Variants in SRPK2 observed in about 807,000 individuals in gnomAD.
The protein encoded by SRPK2 is SFRS protein kinase 2.
A neutral mutation model predicts 90.8 loss-of-function variants in SRPK2; 21 were observed. That is an observed-to-expected ratio of 0.23 (90% CI 0.16 to 0.33). SRPK2 has a LOEUF of 0.33. Ranked by LOEUF, SRPK2 falls within the 10% of genes least tolerant of loss-of-function variation. SRPK2 has a pLI of 1.00. For synonymous variants in SRPK2, 288 were observed against 311.1 expected, an observed-to-expected ratio of 0.93 and a Z score of 0.78; for missense variants, 620 against 869.0, an observed-to-expected ratio of 0.71 and a Z score of 3.60.
At chr7:105,389,039 G>T, upstream of SRPK2, 1 of 941,362 alleles carries the variant, frequency 1.1e-6, no homozygotes, top group Non-Finnish European at 1.2e-6. Context: ...AGCGCCGCGC[G>T]CCCAGCGCCC....
In SRPK2 at chr7:105,247,513, AAAACACACACACACAT is replaced by A. The variant is rs962507388; in HGVS notation, c.72-43744_72-43729del. 4.2e-4 allele frequency among the ~76,000 whole-genome samples: 37 copies of A among 88,416 alleles called. No individual in the cohort carries two copies. The East Asian group carries it at 8.7e-3, about 21-fold the overall frequency. 58.0% of individuals were successfully genotyped at this position (88,416 alleles called of 152,430 possible). ...AACACCGGAGTGCCATACATACCAA[AAAACACACACACACAT>A]AAACACACACACACACACACACACA... On this transcript the variant is annotated intron_variant, in intron 2 of 15. Transcript: ENST00000393651.
chr7:105,267,060 C>T (rs917114), intron 2 of SRPK2, among the ~76,000 whole-genome samples: 109,430 of 152,070 alleles, frequency 0.72, 39,887 homozygotes, highest in African/African-American at 0.83. Context: ...TAAAACTGTG[C>T]ATGAAGTTAT....
chr7:105,390,502 C>T (rs1180172431), upstream of SRPK2, among the ~76,000 whole-genome samples: 2 of 152,070 alleles, frequency 1.3e-5, no homozygotes, highest in African/African-American at 2.4e-5. Flanking sequence ...AATCTCAGCT[C>T]ACTGCAACCT....
Position 105,167,367 on chromosome 7 carries a change from TA to T in SRPK2, c.514+9del. 1.2e-6 allele frequency: 2 copies of T among 1,604,722 alleles called. No homozygotes were observed. The highest frequency in any genetic ancestry group is 1.7e-6 in the Non-Finnish European group (2 of 1,172,594). On this transcript the variant is annotated intron_variant, in intron 6 of 15. Coordinates refer to ENST00000393651, the MANE Select transcript of SRPK2 (RefSeq NM_182692.3). The stretch of plus-strand genomic sequence containing the variant: ...GTAAAAATACAAATAAATCAGGAAG[TA>T]AAGGATACGTATCCCATTCATGCCT...
intron 2 of SRPK2, among the ~76,000 whole-genome samples, chr7:105,287,941 T>C (rs1808390172): frequency 6.6e-6 from 1 of 152,202 alleles, no homozygotes; most frequent in African/African-American, 2.4e-5. Flanking sequence ...TTTGTGGTTA[T>C]ATGGCTTTCA....
At chr7:105,312,457 A>AAAAAAAAAC in intron 2 of SRPK2, among the ~76,000 whole-genome samples, 1 of 151,392 alleles carries the variant, frequency 6.6e-6, no homozygotes, top group Non-Finnish European at 1.5e-5. Context: ...AAAAAAAACA[A>AAAAAAAAAC]GCGGGGGTAG....
At chr7:105,170,871 GA>G (rs1563025377) in intron 3 of SRPK2, among the ~76,000 whole-genome samples, 1 of 108,224 alleles carries the variant, frequency 9.2e-6, no homozygotes, top group African/African-American at 3.5e-5. Context: ...AAGAAAGAAA[GA>G]AAGAAAGAAA....
At chr7:105,303,144 A>G (rs188659531) in intron 2 of SRPK2, among the ~76,000 whole-genome samples, 1 of 152,228 alleles carries the variant, frequency 6.6e-6, no homozygotes, top group East Asian at 1.9e-4. Context: ...ATAAAAAAGG[A>G]TGAGTTCATG....
chr7:105,323,967 T>TTGTGTGTGTGTGTG lies in SRPK2; in HGVS notation c.71+64667_71+64680dup, dbSNP rs58288208. The stretch of plus-strand genomic sequence containing the variant: ...AAAAAGACTTTGGTCAGACTATTCT[T>TTGTGTGTGTGTGTG]TGTGTGTGTGTGTGTGTGTGTGTGT... On this transcript the variant is annotated intron_variant, in intron 2 of 15. Coordinates refer to ENST00000393651, the MANE Select transcript of SRPK2 (RefSeq NM_182692.3). Among the ~76,000 whole-genome samples, 197 of 133,886 alleles carry TTGTGTGTGTGTGTG rather than the reference T, an allele frequency of 1.5e-3. 2 individuals carry two copies. The highest frequency in any genetic ancestry group is 3.9e-3 in the Middle Eastern group (1 of 254). The allele number at this position is 133,886 out of a possible 152,430, so 87.8% of individuals were successfully genotyped here.
In SRPK2 at chr7:105,311,028, C is replaced by T. The variant is rs116459373; in HGVS notation, c.71+77620G>A. Reference sequence around the variant, plus strand: ...TGCACATAGTACAACCGTCCTTAACCGCTTAGTTGACTAAAAACTGTAATA... The same window carrying T: ...TGCACATAGTACAACCGTCCTTAACTGCTTAGTTGACTAAAAACTGTAATA... On this transcript the variant is annotated intron_variant, in intron 2 of 15. Transcript: ENST00000393651. 3.3e-5 allele frequency among the ~76,000 whole-genome samples: 5 copies of T among 151,986 alleles called. No homozygotes were observed. In the South Asian group the frequency reaches 8.3e-4, roughly 25 times the overall value.
intron 2 of SRPK2, among the ~76,000 whole-genome samples, chr7:105,302,314 C>T (rs1014217694): frequency 6.6e-6 from 1 of 152,174 alleles, no homozygotes; most frequent in Non-Finnish European, 1.5e-5. Flanking sequence ...GTTTAGTATA[C>T]TTTATGAAGC....
intron 2 of SRPK2, among the ~76,000 whole-genome samples, chr7:105,245,648 T>A (rs1246457432): frequency 1.3e-5 from 2 of 152,040 alleles, no homozygotes; most frequent in Non-Finnish European, 2.9e-5. Flanking sequence ...AGTGACCAAC[T>A]AGATACAGAC....
intron 2 of SRPK2, among the ~76,000 whole-genome samples, chr7:105,275,199 C>CCT (rs1806330467): frequency 6.6e-6 from 1 of 152,128 alleles, no homozygotes; most frequent in African/African-American, 2.4e-5. Context: ...GATTGGCTTT[C>CCT]CTTGTGGAGA....
chr7:105,284,397 T>C (rs1807754505), intron 2 of SRPK2, among the ~76,000 whole-genome samples: 1 of 152,162 alleles, frequency 6.6e-6, no homozygotes, highest in African/African-American at 2.4e-5. Flanking sequence ...CAGGTACTGG[T>C]AAGAAATGAA....
intron 2 of SRPK2, among the ~76,000 whole-genome samples, chr7:105,363,036 G>C (rs1028614718): frequency 6.6e-6 from 1 of 151,898 alleles, no homozygotes; most frequent in African/African-American, 2.4e-5. Flanking sequence ...GGGGCCTGTC[G>C]TGGGGTGGGG....
At chr7:105,285,355 A>G (rs1031691736) in intron 2 of SRPK2, among the ~76,000 whole-genome samples, 26 of 147,862 alleles carry the variant, frequency 1.8e-4, no homozygotes, top group Admixed American at 8.3e-4. Context: ...ACTGCACTCT[A>G]AACTGGGCAA....
At chr7:105,252,540 T>C (rs997489675) in intron 2 of SRPK2, among the ~76,000 whole-genome samples, 10 of 152,158 alleles carry the variant, frequency 6.6e-5, no homozygotes, top group African/African-American at 2.2e-4. Flanking sequence ...ATTAGCCACA[T>C]TTAAAATGCT....
At chr7:105,238,860 C>T (rs1800455704) in intron 2 of SRPK2, among the ~76,000 whole-genome samples, 1 of 151,618 alleles carries the variant, frequency 6.6e-6, no homozygotes, top group African/African-American at 2.4e-5. Context: ...ACCGAAATAC[C>T]CACGACCACT....
At chr7:105,217,662 T>C (rs1294388115) in intron 2 of SRPK2, among the ~76,000 whole-genome samples, 1 of 152,242 alleles carries the variant, frequency 6.6e-6, no homozygotes, top group African/African-American at 2.4e-5. Flanking sequence ...TCTGCAGGAT[T>C]ATCCCAAGTA....
Sources: gnomAD v4.1 joint callset for allele counts (sites outside exome capture counted in the v4.1 genomes callset) on GRCh38, gnomAD v4.1.1 for gene constraint, MANE v1.5 for transcripts, NCBI Gene and HGNC (gene_info 2026-07-23, HGNC 2026-07-21) for gene names.